The following FAM184A variants were observed in gnomAD, a reference collection of about 807,000 sequenced individuals.
The protein encoded by FAM184A is family with sequence similarity 184 member A, also known as protein FAM184A.
FAM184A carries 99 observed loss-of-function variants against 143.8 expected under a neutral mutation model. That is an observed-to-expected ratio of 0.69 (90% CI 0.58 to 0.81). The LOEUF is 0.81. Ranked by LOEUF, FAM184A falls within the 40% of genes least tolerant of loss-of-function variation. The probability of loss-of-function intolerance (pLI) is 0.00; values close to 1 mark genes in which losing one functional copy is unlikely to be tolerated. For synonymous variants in FAM184A, 427 were observed against 446.4 expected (o/e 0.96, Z 0.55); for missense variants, 1,217 against 1,310.5 (o/e 0.93, Z 1.10).
At chr6:118,975,275 A>T in intron 12 of FAM184A, 67 bp from the exon 13 acceptor site, 1 of 1,131,516 alleles carries the variant, frequency 8.8e-7, no homozygotes, top group East Asian at 2.5e-5. Flanking sequence ...TATCTGCGGG[A>T]AAGAAAATGA....
intron 1 of FAM184A, among the ~76,000 whole-genome samples, chr6:119,028,205 G>A: frequency 6.6e-6 from 1 of 152,158 alleles, no homozygotes; most frequent in East Asian, 1.9e-4. Flanking sequence ...TCTGCAATAG[G>A]CAACTTTCTG....
chr6:118,976,068 A>G (rs1367176946), intron 11 of FAM184A, 24 bp from the exon 12 acceptor site: 5 of 1,600,654 alleles, frequency 3.1e-6, no homozygotes, highest in Non-Finnish European at 4.2e-6. Flanking sequence ...GCAAAAATAC[A>G]TTTGGCACAT....
At chr6:118,977,069 T>C (rs1162727786) in intron 11 of FAM184A, among the ~76,000 whole-genome samples, 2 of 152,210 alleles carry the variant, frequency 1.3e-5, no homozygotes, top group African/African-American at 2.4e-5. Flanking sequence ...ATGAAACTTA[T>C]GTTTATATGA....
chr6:119,000,809 TGAATCCCAAGCC>T (rs1156997361), intron 9 of FAM184A, among the ~76,000 whole-genome samples: 1 of 152,050 alleles, frequency 6.6e-6, no homozygotes, highest in African/African-American at 2.4e-5. Flanking sequence ...TTTAATATCA[TGAATCCCAAGCC>T]ATGTCTGTTT....
chr6:118,999,271 A>G lies in FAM184A; in HGVS notation c.2088+3628T>C, dbSNP rs1012849977. 2.6e-5 allele frequency among the ~76,000 whole-genome samples: 4 copies of G among 152,194 alleles called. No individual in the cohort carries two copies. In the South Asian group the frequency reaches 6.2e-4, roughly 24 times the overall value. ...CTTTAATTTAGATATTTAAATTGAA[A>G]TGTCTCTATTTCATTCTTACTTCAA... On this transcript the variant is annotated intron_variant, in intron 9 of 17. Transcript: ENST00000338891.
At chr6:119,036,296 A>G (rs1476864202) in intron 1 of FAM184A, among the ~76,000 whole-genome samples, 4 of 152,120 alleles carry the variant, frequency 2.6e-5, no homozygotes, top group Admixed American at 1.3e-4. Context: ...AATGTCAGCA[A>G]CAGATGTGTG....
Position 118,959,996 on chromosome 6 carries a change from CTT to C in FAM184A, c.*105_*106del. 1.3e-6 allele frequency: 1 copy of C among 769,552 alleles called. No individual in the cohort carries two copies. The highest frequency in any genetic ancestry group is 2.0e-6 in the Non-Finnish European group (1 of 490,450). The allele number at this position is 769,552 out of a possible 1,614,324, so 47.7% of individuals were successfully genotyped here. On this transcript the variant is annotated 3_prime_UTR_variant, in exon 18 of 18. Transcript: ENST00000338891. ...CATTTTCAAGTTGGAGAGACAAATA[CTT>C]TCTCATTCACAGTGTTTGACATAGG...
At chr6:118,992,227 G>C (rs1355440053) in intron 9 of FAM184A, among the ~76,000 whole-genome samples, 4 of 152,112 alleles carry the variant, frequency 2.6e-5, no homozygotes, top group Admixed American at 2.0e-4. Flanking sequence ...AAAGCAAATA[G>C]AGCTAGAATA....
intron 1 of FAM184A, among the ~76,000 whole-genome samples, chr6:119,040,822 G>A (rs1435864564): frequency 1.3e-5 from 2 of 152,088 alleles, no homozygotes; most frequent in Non-Finnish European, 2.9e-5. Flanking sequence ...CCACCCACTT[G>A]CTTTTTAAGT....
At chr6:119,113,911 C>T (rs923916387) in intron 1 of FAM184A, among the ~76,000 whole-genome samples, 2 of 152,216 alleles carry the variant, frequency 1.3e-5, no homozygotes, top group African/African-American at 4.8e-5. Flanking sequence ...CACTGCACTT[C>T]AGCCTGAGTG....
At chr6:119,027,116 T>C (rs117647910) in intron 1 of FAM184A, among the ~76,000 whole-genome samples, 3 of 152,230 alleles carry the variant, frequency 2.0e-5, no homozygotes, top group African/African-American at 4.8e-5. Flanking sequence ...TTTCAACCAA[T>C]TGCCAATCAG....
intron 1 of FAM184A, among the ~76,000 whole-genome samples, chr6:119,137,451 G>A (rs548393090): frequency 6.6e-6 from 1 of 152,198 alleles, no homozygotes; most frequent in African/African-American, 2.4e-5. Context: ...AGCCCTATCT[G>A]CAAATACAGT....
upstream of FAM184A, among the ~76,000 whole-genome samples, chr6:119,082,505 T>TG (rs992111937): frequency 1.3e-5 from 2 of 152,192 alleles, no homozygotes; most frequent in African/African-American, 4.8e-5. Flanking sequence ...CAAGATACAA[T>TG]GGGGGTTCAG....
intron 1 of FAM184A, among the ~76,000 whole-genome samples, chr6:119,072,051 G>A (rs1046285009): frequency 3.3e-5 from 5 of 151,750 alleles, no homozygotes; most frequent in South Asian, 2.1e-4. Flanking sequence ...TTGTAAAGAC[G>A]GGATTTCACC....
intron 1 of FAM184A, among the ~76,000 whole-genome samples, chr6:119,059,571 G>T (rs185833340): frequency 1.2e-4 from 19 of 152,226 alleles, no homozygotes; most frequent in Admixed American, 1.2e-3. Context: ...TGTTTTAAAA[G>T]CTTCTTTCTT....
chr6:119,115,425 C>T (rs967280349), intron 1 of FAM184A, among the ~76,000 whole-genome samples: 8 of 152,198 alleles, frequency 5.3e-5, no homozygotes, highest in African/African-American at 1.4e-4. Context: ...GGCGAGGTGG[C>T]TCATGCCCGT....
intron 1 of FAM184A, among the ~76,000 whole-genome samples, chr6:119,116,959 A>T (rs1184621635): frequency 6.6e-6 from 1 of 152,194 alleles, no homozygotes. Flanking sequence ...GGCATTCTAA[A>T]TGTTTTGACT....
chr6:118,994,556 C>T (rs547457135), intron 9 of FAM184A, among the ~76,000 whole-genome samples: 17 of 151,814 alleles, frequency 1.1e-4, no homozygotes, highest in South Asian at 2.1e-4. Context: ...CATGGTTGCG[C>T]GCACCTGTAG....
chr6:119,116,095 G>C (rs1336393853), intron 1 of FAM184A, among the ~76,000 whole-genome samples: 1 of 151,974 alleles, frequency 6.6e-6, no homozygotes, highest in African/African-American at 2.4e-5. Context: ...CCACAGTGAG[G>C]GTTTCCCTGT....
Sources: allele counts gnomAD v4.1 joint callset (sites outside exome capture counted in the v4.1 genomes callset), GRCh38; gene constraint gnomAD v4.1.1; transcripts MANE v1.5; gene names NCBI Gene and HGNC (gene_info 2026-07-23, HGNC 2026-07-21).